SLC1A2: variants seen among roughly 807,000 people sequenced by gnomAD.
SLC1A2 encodes the protein excitatory amino acid transporter 2.
In SLC1A2, 15 loss-of-function variants were observed where a neutral mutation model predicts 48.8. That is an observed-to-expected ratio of 0.31 (90% CI 0.21 to 0.47). SLC1A2 has a LOEUF of 0.47. Among genes scored for constraint, SLC1A2 ranks in the 20% least tolerant of loss-of-function variants. SLC1A2 has a pLI of 0.99. For synonymous variants in SLC1A2, 279 were observed against 272.6 expected, an observed-to-expected ratio of 1.02 and a Z score of -0.23; for missense variants, 502 against 730.5, an observed-to-expected ratio of 0.69 and a Z score of 3.61.
rs61481478 is a variant in SLC1A2, at chr11:35,345,142, C to T, written c.18-27626G>A. Among the ~76,000 whole-genome samples, 1,353 of 152,322 alleles carry T rather than the reference C, an allele frequency of 8.9e-3. 19 individuals are homozygous for T. The highest frequency in any genetic ancestry group is 0.031 in the African/African-American group (1,286 of 41,560). On this transcript the variant is annotated intron_variant, in intron 1 of 10. Transcript: ENST00000278379. ...AACCCAAGCAATCCAGTCCATGATG[C>T]TTGGCCTGTTTCATGCCAGTATCAC...
chr11:35,292,006 G>A, intron 7 of SLC1A2: 1 of 376,456 alleles, frequency 2.7e-6, no homozygotes. Flanking sequence ...GATTTAAGTG[G>A]CAAATTAGGC....
intron 9 of SLC1A2, among the ~76,000 whole-genome samples, chr11:35,275,843 T>C (rs1850423378): frequency 6.6e-6 from 1 of 152,178 alleles, no homozygotes; most frequent in African/African-American, 2.4e-5. Flanking sequence ...GAATGGCCAG[T>C]TGCACCCCAT....
intron 1 of SLC1A2, among the ~76,000 whole-genome samples, chr11:35,394,101 G>A (rs991933091): frequency 2.6e-5 from 4 of 151,852 alleles, no homozygotes; most frequent in Admixed American, 1.3e-4. Flanking sequence ...CCCAGCCCTT[G>A]AACAAACCCC....
chr11:35,279,034 G>T lies in SLC1A2; in HGVS notation c.1421+1833C>A, dbSNP rs74234079. Among the ~76,000 whole-genome samples, 241 of 152,238 alleles carry T rather than the reference G, an allele frequency of 1.6e-3. 8 individuals are homozygous for T. The East Asian group carries it at 0.045, about 29-fold the overall frequency. ...ACTCCATCTGAAAAAAAAGAAAAAT[G>T]TGGTTTCTGGCTCTTAAAATCAATG... is the stretch of plus-strand genomic sequence containing the variant. On this transcript the variant is annotated intron_variant, in intron 9 of 10. Transcript: ENST00000278379.
At chr11:35,341,488 A>T (rs555754868) in intron 1 of SLC1A2, among the ~76,000 whole-genome samples, 61 of 152,320 alleles carry the variant, frequency 4.0e-4, no homozygotes, top group African/African-American at 1.3e-3. Flanking sequence ...ATTTAAAAAT[A>T]TTTTTTTAAA....
intron 9 of SLC1A2, among the ~76,000 whole-genome samples, chr11:35,278,263 GT>G (rs1170822746): frequency 9.6e-6 from 1 of 103,824 alleles, no homozygotes; most frequent in African/African-American, 3.6e-5. Flanking sequence ...TCTTACTTCT[GT>G]TTTTTTTTGT....
intron 2 of SLC1A2, chr11:35,315,838 AAAG>A (rs1016549189): frequency 6.8e-6 from 1 of 147,912 alleles, no homozygotes; most frequent in Non-Finnish European, 1.5e-5. Context: ...GAAAAAGAAA[AAAG>A]AAAGAAAGAA....
At chr11:35,314,625 A>C (rs1243642329) in intron 3 of SLC1A2, among the ~76,000 whole-genome samples, 3 of 151,840 alleles carry the variant, frequency 2.0e-5, no homozygotes, top group Non-Finnish European at 4.4e-5. Flanking sequence ...AGGCAGGAGA[A>C]TCGCTTGAAC....
intron 6 of SLC1A2, among the ~76,000 whole-genome samples, chr11:35,297,221 C>G (rs548919074): frequency 6.6e-6 from 1 of 152,252 alleles, no homozygotes; most frequent in East Asian, 1.9e-4. Context: ...ACCCTCAAAT[C>G]TGATCAGGTT....
chr11:35,355,265 G>A (rs142981431), intron 1 of SLC1A2, among the ~76,000 whole-genome samples: 6 of 152,066 alleles, frequency 3.9e-5, no homozygotes, highest in African/African-American at 9.7e-5. Flanking sequence ...AAGGTAAGAC[G>A]GTCTGTGAAT....
chr11:35,399,581 A>G, intron 1 of SLC1A2: 1 of 983,434 alleles, frequency 1.0e-6, no homozygotes, highest in Non-Finnish European at 1.2e-6. Context: ...AAACCTGGTA[A>G]TCATGATGCC....
intron 9 of SLC1A2, among the ~76,000 whole-genome samples, chr11:35,267,103 A>T (rs528745257): frequency 6.6e-6 from 1 of 152,332 alleles, no homozygotes; most frequent in East Asian, 1.9e-4. Context: ...CCTCAGTGTG[A>T]TCGGGTCTAC....
In SLC1A2 at chr11:35,258,532, A is replaced by G. The variant is rs1950345499; in HGVS notation, c.*2362T>C. 6.5e-6 allele frequency: 1 copy of G among 152,682 alleles called. No homozygotes were observed. Among genetic ancestry groups the G allele is most frequent in the Non-Finnish European group, 1.5e-5 (1 of 68,070 alleles). 9.5% of individuals were successfully genotyped at this position (152,682 alleles called of 1,614,324 possible). A position where few individuals can be genotyped will look rare whatever the true frequency, so the allele number is the denominator to read the frequency against. ...CAACAAGCTCCTAGACGCTTTGCCT[A>G]TAGCCTCCAACTTACCAGAAAAAAG... On this transcript the variant is annotated 3_prime_UTR_variant, in exon 11 of 11. Coordinates refer to ENST00000278379, the MANE Select transcript of SLC1A2 (RefSeq NM_004171.4).
intron 1 of SLC1A2, among the ~76,000 whole-genome samples, chr11:35,366,159 C>A (rs547885312): frequency 6.6e-6 from 1 of 152,184 alleles, no homozygotes; most frequent in African/African-American, 2.4e-5. Context: ...TGTTTTGGTT[C>A]TCAAGTATTG....
rs781028180 is a variant in SLC1A2, at chr11:35,253,122, G to A, written c.*7772C>T. ...TGCAGTGGCTATCGTTTTACCTTTCGGGGAAGTTATATAGTCTGTTATTCA... is the reference window on the plus strand; with the variant it reads ...TGCAGTGGCTATCGTTTTACCTTTCAGGGAAGTTATATAGTCTGTTATTCA... On this transcript the variant is annotated 3_prime_UTR_variant, in exon 11 of 11. Transcript: ENST00000278379. 9 of 152,072 alleles carry A rather than the reference G, an allele frequency of 5.9e-5. No individual in the cohort carries two copies. The highest frequency in any genetic ancestry group is 3.3e-4 in the Admixed American group (5 of 15,250). 9.4% of individuals were successfully genotyped at this position (152,072 alleles called of 1,614,324 possible).
At chr11:35,297,045 T>A (rs1303224806) in intron 6 of SLC1A2, among the ~76,000 whole-genome samples, 1 of 151,768 alleles carries the variant, frequency 6.6e-6, no homozygotes, top group South Asian at 2.1e-4. Context: ...AAAAAAAAAA[T>A]GGATGGATTG....
At chr11:35,403,661 G>T (rs182788579) in intron 1 of SLC1A2, among the ~76,000 whole-genome samples, 1 of 152,220 alleles carries the variant, frequency 6.6e-6, no homozygotes, top group Non-Finnish European at 1.5e-5. Flanking sequence ...GCTTCCCAGG[G>T]TTCCTATGTT....
chr11:35,275,204 G>A (rs1850403393), intron 9 of SLC1A2, among the ~76,000 whole-genome samples: 2 of 152,218 alleles, frequency 1.3e-5, no homozygotes, highest in Admixed American at 1.3e-4. Context: ...GAGGCTCTTT[G>A]AGGTCTTCCT....
chr11:35,378,364 TG>T (rs1326657661), intron 1 of SLC1A2, among the ~76,000 whole-genome samples: 3 of 152,236 alleles, frequency 2.0e-5, no homozygotes, highest in Non-Finnish European at 4.4e-5. Flanking sequence ...AGTATTAGCT[TG>T]TGGCTGCATA....
Sources: gnomAD v4.1 joint callset for allele counts (sites outside exome capture counted in the v4.1 genomes callset) on GRCh38, gnomAD v4.1.1 for gene constraint, MANE v1.5 for transcripts, NCBI Gene and HGNC (gene_info 2026-07-23, HGNC 2026-07-21) for gene names.